The following B3GALT1 variants were observed in gnomAD, a reference collection of about 807,000 sequenced individuals.
B3GALT1 encodes the protein UDP-Gal:betaGlcNAc beta 1,3-galactosyltransferase, polypeptide 1.
A neutral mutation model predicts 23.2 loss-of-function variants in B3GALT1; 10 were observed. That is an observed-to-expected ratio of 0.43 (90% CI 0.27 to 0.73). The LOEUF (loss-of-function observed/expected upper bound fraction) is 0.73, where lower values mean the gene tolerates loss of function less well. Among genes scored for constraint, B3GALT1 ranks in the 30% least tolerant of loss-of-function variants. B3GALT1 has a pLI of 0.21. For missense variants in B3GALT1, 299 were observed against 405.4 expected, an observed-to-expected ratio of 0.74 and a Z score of 2.25; for synonymous variants, 156 against 141.5, an observed-to-expected ratio of 1.10 and a Z score of -0.73.
chr2:167,533,717 A>G (rs1683369571), intron 2 of B3GALT1, among the ~76,000 whole-genome samples: 1 of 152,182 alleles, frequency 6.6e-6, no homozygotes, highest in Non-Finnish European at 1.5e-5. Flanking sequence ...GTTATTGTTC[A>G]GATTCCCTTA....
intron 1 of B3GALT1, among the ~76,000 whole-genome samples, chr2:167,357,915 G>A (rs2105260532): frequency 6.6e-6 from 1 of 152,058 alleles, no homozygotes; most frequent in East Asian, 1.9e-4. Context: ...AGAAATCATA[G>A]GATATCAAAC....
intron 4 of B3GALT1, among the ~76,000 whole-genome samples, chr2:167,833,770 G>GA (rs1208657268): frequency 2.6e-5 from 4 of 152,208 alleles, no homozygotes; most frequent in South Asian, 2.1e-4. Context: ...TTCTATCCAT[G>GA]AAAAAATGAC....
intron 2 of B3GALT1, among the ~76,000 whole-genome samples, chr2:167,625,220 A>G (rs547614887): frequency 6.6e-6 from 1 of 151,838 alleles, no homozygotes; most frequent in East Asian, 1.9e-4. Flanking sequence ...GTGCTTTTTG[A>G]TTTTTAAAAA....
At chr2:167,594,835 G>A (rs1000744821) in intron 2 of B3GALT1, among the ~76,000 whole-genome samples, 1 of 152,072 alleles carries the variant, frequency 6.6e-6, no homozygotes, top group Non-Finnish European at 1.5e-5. Flanking sequence ...GCACATGGGA[G>A]ATGGAGGTTG....
intron 2 of B3GALT1, among the ~76,000 whole-genome samples, chr2:167,492,402 C>T (rs1046598608): frequency 1.2e-4 from 16 of 133,070 alleles, no homozygotes; most frequent in Admixed American, 8.3e-4. Flanking sequence ...TTGATTGTTT[C>T]CAAATTGGGA....
chr2:167,860,799 C>T (rs1236506153), intron 4 of B3GALT1, among the ~76,000 whole-genome samples: 1 of 151,620 alleles, frequency 6.6e-6, no homozygotes, highest in Non-Finnish European at 1.5e-5. Flanking sequence ...TTGGCAGGAG[C>T]AAGGAATTGC....
intron 2 of B3GALT1, among the ~76,000 whole-genome samples, chr2:167,510,274 A>G (rs1264645718): frequency 6.6e-6 from 1 of 152,150 alleles, no homozygotes; most frequent in Non-Finnish European, 1.5e-5. Flanking sequence ...ATTAAGAAAT[A>G]TATGTGATAC....
intron 1 of B3GALT1, among the ~76,000 whole-genome samples, chr2:167,484,917 A>C (rs575111268): frequency 1.4e-3 from 208 of 152,328 alleles, no homozygotes; most frequent in Admixed American, 2.7e-3. Flanking sequence ...GCAGTCTGTC[A>C]TGTGATGCTA....
At position 167,631,259 on chromosome 2, in the gene B3GALT1, G is replaced by A. The variant is rs192570988; in HGVS notation, c.-409-15650G>A. 1.1e-4 allele frequency among the ~76,000 whole-genome samples: 17 copies of A among 152,000 alleles called. No homozygotes were observed. The East Asian group carries it at 3.3e-3, about 30-fold the overall frequency. On this transcript the variant is annotated intron_variant, in intron 2 of 4. Coordinates refer to ENST00000392690, the MANE Select transcript of B3GALT1 (RefSeq NM_020981.4). ...AATGATTCTGTGCAGAGTGCCTGCT[G>A]AAGATGCTGATTTGACCATAAGGAA... is the stretch of plus-strand genomic sequence containing the variant.
At position 167,869,297 on chromosome 2, in the gene B3GALT1, C is replaced by T. The variant is rs765795611; in HGVS notation, c.258C>T (p.Thr86=). 1.3e-5 allele frequency: 21 copies of T among 1,614,026 alleles called. No individual in the cohort carries two copies. The highest frequency in any genetic ancestry group is 1.7e-5 in the Admixed American group (1 of 59,996). ...NIPFLVILIS[T]THKEFDARQA... Reference sequence around the variant, plus strand: ...CTTTTCTTGTTATCCTCATCAGCACCACTCACAAGGAATTTGATGCCCGTC... The same window carrying T: ...CTTTTCTTGTTATCCTCATCAGCACTACTCACAAGGAATTTGATGCCCGTC... The change falls in exon 5 of 5, where the codon ACC becomes ACT. Residue 86 remains threonine, a synonymous_variant. Coordinates refer to ENST00000392690, the MANE Select transcript of B3GALT1 (RefSeq NM_020981.4). This position sits in a 1 kb window ranked among gnomAD's most constrained non-coding sequence, Gnocchi z 6.4.
intron 1 of B3GALT1, among the ~76,000 whole-genome samples, chr2:167,412,881 A>G (rs1698411979): frequency 6.6e-6 from 1 of 152,132 alleles, no homozygotes; most frequent in South Asian, 2.1e-4. Flanking sequence ...AGTACCTTAC[A>G]AAAATGAAAA....
intron 2 of B3GALT1, among the ~76,000 whole-genome samples, chr2:167,585,520 A>G (rs1370135636): frequency 6.6e-6 from 1 of 152,240 alleles, no homozygotes; most frequent in East Asian, 1.9e-4. Flanking sequence ...CACACCCACT[A>G]GAATTGCTAA....
intron 1 of B3GALT1, among the ~76,000 whole-genome samples, chr2:167,446,279 C>T (rs1361068167): frequency 6.6e-6 from 1 of 152,208 alleles, no homozygotes; most frequent in Non-Finnish European, 1.5e-5. Context: ...TGACCTTACT[C>T]TCTGGCTTCC....
intron 2 of B3GALT1, among the ~76,000 whole-genome samples, chr2:167,629,232 G>C (rs1412431105): frequency 6.6e-6 from 1 of 151,684 alleles, no homozygotes; most frequent in Non-Finnish European, 1.5e-5. Flanking sequence ...TAAGAGATAG[G>C]TACATTTTAA....
intron 3 of B3GALT1, among the ~76,000 whole-genome samples, chr2:167,676,091 G>A (rs891112036): frequency 1.3e-5 from 2 of 151,794 alleles, no homozygotes; most frequent in African/African-American, 4.8e-5. Flanking sequence ...CGCCCCTCCC[G>A]ATGCAGGATG....
intron 3 of B3GALT1, among the ~76,000 whole-genome samples, chr2:167,797,709 TG>T (rs1558982258): frequency 1.8e-4 from 28 of 152,146 alleles, no homozygotes; most frequent in African/African-American, 6.8e-4. Context: ...GATTTTGTTT[TG>T]TTTTGTTTTG....
intron 2 of B3GALT1, among the ~76,000 whole-genome samples, chr2:167,638,395 T>A (rs922436678): frequency 3.9e-5 from 6 of 152,112 alleles, no homozygotes; most frequent in African/African-American, 7.2e-5. Flanking sequence ...GATTTTTCAA[T>A]GATCTTGTTT....
intron 3 of B3GALT1, among the ~76,000 whole-genome samples, chr2:167,766,037 A>G (rs1687971913): frequency 6.6e-6 from 1 of 152,242 alleles, no homozygotes. Context: ...TGAATTCTCC[A>G]GACACATACA....
intron 1 of B3GALT1, among the ~76,000 whole-genome samples, chr2:167,301,386 C>T (rs1696443377): frequency 6.6e-6 from 1 of 152,142 alleles, no homozygotes; most frequent in Non-Finnish European, 1.5e-5. Flanking sequence ...GCTAAATCAG[C>T]ATCAGTACTT....
Sources: gnomAD v4.1 joint callset for allele counts (sites outside exome capture counted in the v4.1 genomes callset) on GRCh38, gnomAD v4.1.1 for gene constraint, Gnocchi (gnomAD v3.1) non-coding constraint, MANE v1.5 for transcripts, NCBI Gene and HGNC (gene_info 2026-07-23, HGNC 2026-07-21) for gene names.